RBFOX2: variants seen among roughly 807,000 people sequenced by gnomAD.
RBFOX2 encodes the protein RNA binding fox-1 homolog 2.
RBFOX2 carries 10 observed loss-of-function variants against 49.1 expected under a neutral mutation model. The ratio of observed to expected loss-of-function variants is 0.20; its 90% CI spans 0.13 to 0.35. The LOEUF is 0.35. Ranked by LOEUF, RBFOX2 falls within the 10% of genes least tolerant of loss-of-function variation. The pLI, the probability that RBFOX2 is intolerant of heterozygous loss-of-function variation, is 1.00. For missense variants in RBFOX2, 323 were observed against 486.9 expected (o/e 0.66, Z 3.17); for synonymous variants, 183 against 187.4 (o/e 0.98, Z 0.19).
rs575109115 is a variant in RBFOX2, at chr22:35,787,096, G to C, written c.253-5350C>G. ...CCTCTGTCGCCCAGGCTGGAGTGCAGTGTGGCAATCTCAGCTCGCTGCAAC... is the reference window on the plus strand; with the variant it reads ...CCTCTGTCGCCCAGGCTGGAGTGCACTGTGGCAATCTCAGCTCGCTGCAAC... On this transcript the variant is annotated intron_variant, in intron 2 of 11. Transcript: ENST00000405409. 2.0e-5 allele frequency among the ~76,000 whole-genome samples: 3 copies of C among 152,276 alleles called. No homozygotes were observed. The South Asian group carries it at 6.2e-4, about 32-fold the overall frequency.
chr22:35,812,143 C>T (rs1197919872), intron 1 of RBFOX2, among the ~76,000 whole-genome samples: 1 of 151,844 alleles, frequency 6.6e-6, no homozygotes, highest in East Asian at 1.9e-4. Context: ...TGCCTTTAAT[C>T]TCAGATATCT....
chr22:36,013,626 AACACACAC>A (rs547422068), intron 1 of RBFOX2, among the ~76,000 whole-genome samples: 5 of 146,074 alleles, frequency 3.4e-5, no homozygotes, highest in Non-Finnish European at 7.5e-5. Flanking sequence ...GCATCACACA[AACACACAC>A]ACACACACAC....
intron 1 of RBFOX2, among the ~76,000 whole-genome samples, chr22:35,980,475 G>A (rs1049864831): frequency 6.6e-6 from 1 of 152,186 alleles, no homozygotes; most frequent in Non-Finnish European, 1.5e-5. Context: ...CAAAGCAAAG[G>A]AGTAACTCTT....
At chr22:35,877,759 T>C (rs537058900) in intron 1 of RBFOX2, among the ~76,000 whole-genome samples, 228 of 152,210 alleles carry the variant, frequency 1.5e-3, no homozygotes, top group African/African-American at 5.3e-3. Context: ...ACTGCCTCAA[T>C]AGTACAAAGC....
intron 1 of RBFOX2, among the ~76,000 whole-genome samples, chr22:35,850,299 G>T (rs1221887572): frequency 6.6e-6 from 1 of 151,606 alleles, no homozygotes; most frequent in African/African-American, 2.4e-5. Context: ...TTCTGCCACG[G>T]AAAGGAATGG....
chr22:35,835,155 G>C (rs1957427022), intron 1 of RBFOX2, among the ~76,000 whole-genome samples: 1 of 152,138 alleles, frequency 6.6e-6, no homozygotes, highest in African/African-American at 2.4e-5. Flanking sequence ...AAAATGTTGG[G>C]AGGAAATGTT....
chr22:35,976,343 C>T (rs557600478), intron 1 of RBFOX2, among the ~76,000 whole-genome samples: 10 of 152,138 alleles, frequency 6.6e-5, no homozygotes, highest in South Asian at 4.2e-4. Flanking sequence ...ACCACCCCCC[C>T]CTCTTAATTC....
At chr22:35,824,729 T>C (rs1404901939) in intron 1 of RBFOX2, among the ~76,000 whole-genome samples, 1 of 152,222 alleles carries the variant, frequency 6.6e-6, no homozygotes, top group Non-Finnish European at 1.5e-5. Flanking sequence ...TTAATAGTTG[T>C]TTAGTAATGA....
At chr22:35,946,025 G>T (rs142488943) in intron 1 of RBFOX2, among the ~76,000 whole-genome samples, 9 of 152,066 alleles carry the variant, frequency 5.9e-5, no homozygotes, top group African/African-American at 1.9e-4. Context: ...AAATCAGCTG[G>T]TATAAGCAGT....
intron 11 of RBFOX2, among the ~76,000 whole-genome samples, chr22:35,744,642 T>C (rs2145741039): frequency 6.6e-6 from 1 of 152,322 alleles, no homozygotes; most frequent in Non-Finnish European, 1.5e-5. Flanking sequence ...TTTCTCCTTC[T>C]CACATATGAC....
At chr22:35,965,092 T>C (rs927682810), upstream of RBFOX2, among the ~76,000 whole-genome samples, 9 of 152,106 alleles carry the variant, frequency 5.9e-5, no homozygotes, top group African/African-American at 2.2e-4. Flanking sequence ...AAGGTGTATA[T>C]AGGTATGGTG....
At chr22:35,800,639 A>G (rs546529213) in intron 2 of RBFOX2, among the ~76,000 whole-genome samples, 1 of 151,552 alleles carries the variant, frequency 6.6e-6, no homozygotes, top group Non-Finnish European at 1.5e-5. Flanking sequence ...TCAATGCTGT[A>G]TTCACCAAGA....
intron 1 of RBFOX2, among the ~76,000 whole-genome samples, chr22:35,952,330 C>A (rs1464691821): frequency 1.3e-5 from 2 of 152,214 alleles, no homozygotes; most frequent in Non-Finnish European, 2.9e-5. Flanking sequence ...AGTATGACTA[C>A]ATCTGAGTTC....
chr22:35,994,507 A>G (rs2058109520), intron 1 of RBFOX2: 1 of 151,812 alleles, frequency 6.6e-6, no homozygotes, highest in Admixed American at 6.6e-5. Flanking sequence ...CCAGGCTCAA[A>G]TGATCCTCCC....
chr22:35,901,797 C>A (rs2048607251), intron 1 of RBFOX2, among the ~76,000 whole-genome samples: 1 of 152,092 alleles, frequency 6.6e-6, no homozygotes, highest in Admixed American at 6.6e-5. Flanking sequence ...ACTGCATTAT[C>A]TTGGCTGGGC....
intron 5 of RBFOX2, among the ~76,000 whole-genome samples, chr22:35,767,330 T>C (rs1355471485): frequency 6.6e-6 from 1 of 152,208 alleles, no homozygotes; most frequent in Non-Finnish European, 1.5e-5. Context: ...GTAATTACAT[T>C]TTTAAAAGCT....
At chr22:35,821,760 C>G (rs759947165) in intron 1 of RBFOX2, 2 of 518,776 alleles carry the variant, frequency 3.9e-6, no homozygotes, top group South Asian at 2.8e-5. Context: ...TGACCACCCC[C>G]AAGCTTTGGC....
intron 1 of RBFOX2, among the ~76,000 whole-genome samples, chr22:35,826,290 C>A (rs1050617729): frequency 4.2e-5 from 6 of 141,600 alleles, no homozygotes; most frequent in African/African-American, 1.6e-4. Context: ...TGCAGTGAGC[C>A]GAGATCGCGC....
chr22:35,756,285 G>T, intron 9 of RBFOX2, 141 bp from the exon 11 acceptor site: 1 of 580,178 alleles, frequency 1.7e-6, no homozygotes, highest in Non-Finnish European at 2.6e-6. Flanking sequence ...TGGGGCCTCG[G>T]CAAGTTGGTG....
Sources: gnomAD v4.1 joint callset for allele counts (sites outside exome capture counted in the v4.1 genomes callset) on GRCh38, gnomAD v4.1.1 for gene constraint, MANE v1.5 for transcripts, NCBI Gene and HGNC (gene_info 2026-07-23, HGNC 2026-07-21) for gene names.